Variants in EXT1 observed in about 807,000 individuals in gnomAD.
The protein encoded by EXT1 is exostosin-1.
In EXT1, 20 loss-of-function variants were observed where a neutral mutation model predicts 82.5. That is an observed-to-expected ratio of 0.24 (90% CI 0.17 to 0.35). The LOEUF is 0.35. Ranked by LOEUF, EXT1 falls within the 10% of genes least tolerant of loss-of-function variation. EXT1 has a pLI of 1.00. For synonymous variants in EXT1, 348 were observed against 350.8 expected (o/e 0.99, Z 0.09); for missense variants, 757 against 936.5 (o/e 0.81, Z 2.50).
At chr8:117,841,534 T>C (rs969209800) in intron 1 of EXT1, among the ~76,000 whole-genome samples, 1 of 152,114 alleles carries the variant, frequency 6.6e-6, no homozygotes, top group Non-Finnish European at 1.5e-5. Context: ...AAGAAACATA[T>C]GATATCCTAA....
At chr8:117,863,560 T>A (rs1182706303) in intron 1 of EXT1, among the ~76,000 whole-genome samples, 1 of 152,148 alleles carries the variant, frequency 6.6e-6, no homozygotes, top group Non-Finnish European at 1.5e-5. Flanking sequence ...TATGTCCTGA[T>A]AATCAAGCAC....
At chr8:117,807,425 T>C in intron 8 of EXT1, 48 bp from the exon 9 acceptor site, 1 of 1,610,222 alleles carries the variant, frequency 6.2e-7, no homozygotes, top group Non-Finnish European at 8.5e-7. Context: ...TGTTAACAAA[T>C]GTCAACAAAA....
intron 1 of EXT1, among the ~76,000 whole-genome samples, chr8:118,015,803 G>A (rs967092400): frequency 3.3e-5 from 5 of 152,244 alleles, no homozygotes; most frequent in African/African-American, 9.6e-5. Flanking sequence ...GAGTGGGGAG[G>A]GCCCTTAATC....
intron 1 of EXT1, among the ~76,000 whole-genome samples, chr8:118,058,544 A>C (rs1816831221): frequency 6.6e-6 from 1 of 152,168 alleles, no homozygotes; most frequent in African/African-American, 2.4e-5. Context: ...GACATCTAAG[A>C]CTGTTTGGAG....
chr8:117,871,457 G>T (rs918735925), intron 1 of EXT1, among the ~76,000 whole-genome samples: 12 of 152,180 alleles, frequency 7.9e-5, no homozygotes, highest in African/African-American at 2.2e-4. Flanking sequence ...GTCCCCTAGA[G>T]ATATCTAAAA....
chr8:117,855,969 C>T lies in EXT1; in HGVS notation c.963-18768G>A, dbSNP rs556300502. Among the ~76,000 whole-genome samples the T allele has an allele frequency of 1.2e-4, 19 of 152,164 alleles. No individual in the cohort carries two copies. The South Asian group carries it at 3.5e-3, about 28-fold the overall frequency. ...ACAGGCGTAAGCCACCATGCCCGGC[C>T]GCATCTCTCTTTAAATCCAAGGCTA... On this transcript the variant is annotated intron_variant, in intron 1 of 10. Coordinates refer to ENST00000378204, the MANE Select transcript of EXT1 (RefSeq NM_000127.3).
chr8:118,091,117 C>T (rs1053454664), intron 1 of EXT1, among the ~76,000 whole-genome samples: 2 of 152,180 alleles, frequency 1.3e-5, no homozygotes, highest in African/African-American at 2.4e-5. Flanking sequence ...TATCTCTCAG[C>T]CTGCTCCCCA....
chr8:117,957,923 T>A (rs1814621453), intron 1 of EXT1, among the ~76,000 whole-genome samples: 1 of 152,204 alleles, frequency 6.6e-6, no homozygotes, highest in African/African-American at 2.4e-5. Context: ...ACACTTGAGA[T>A]AAAGTTATCA....
At chr8:118,098,891 A>C (rs1358168266) in intron 1 of EXT1, among the ~76,000 whole-genome samples, 1 of 152,244 alleles carries the variant, frequency 6.6e-6, no homozygotes, top group Non-Finnish European at 1.5e-5. Flanking sequence ...CAAGTAGCAG[A>C]AATCAAATGC....
intron 1 of EXT1, among the ~76,000 whole-genome samples, chr8:117,847,578 G>C (rs1812383002): frequency 6.6e-6 from 1 of 152,142 alleles, no homozygotes; most frequent in Admixed American, 6.5e-5. Context: ...CTGAACTGAA[G>C]AATAAAAAGC....
At chr8:118,104,396 T>C (rs1431309743) in intron 1 of EXT1, among the ~76,000 whole-genome samples, 10 of 152,222 alleles carry the variant, frequency 6.6e-5, no homozygotes, top group Admixed American at 6.5e-4. Flanking sequence ...ACATGTTCCA[T>C]GCAGGGGGCT....
intron 1 of EXT1, among the ~76,000 whole-genome samples, chr8:117,945,440 G>A (rs978331253): frequency 2.0e-5 from 3 of 152,130 alleles, no homozygotes; most frequent in African/African-American, 7.2e-5. Flanking sequence ...TGGGCAAAGG[G>A]GGGCAAGTTT....
At chr8:118,012,058 C>G (rs556877294) in intron 1 of EXT1, among the ~76,000 whole-genome samples, 1 of 152,340 alleles carries the variant, frequency 6.6e-6, no homozygotes, top group East Asian at 1.9e-4. Flanking sequence ...TGCTCCCTTT[C>G]TTCACACAGC....
chr8:117,891,059 G>C (rs1813233445), intron 1 of EXT1, among the ~76,000 whole-genome samples: 1 of 152,148 alleles, frequency 6.6e-6, no homozygotes, highest in Non-Finnish European at 1.5e-5. Flanking sequence ...GGGGATTTAT[G>C]GTGACTTATT....
At chr8:118,039,547 G>C (rs1816488138) in intron 1 of EXT1, among the ~76,000 whole-genome samples, 1 of 111,058 alleles carries the variant, frequency 9.0e-6, no homozygotes, top group Non-Finnish European at 1.7e-5. Flanking sequence ...ACAAGAGAGA[G>C]ACTCCGTCAC....
intron 8 of EXT1, among the ~76,000 whole-genome samples, chr8:117,809,776 T>G (rs1823293779): frequency 6.6e-6 from 1 of 152,074 alleles, no homozygotes; most frequent in Non-Finnish European, 1.5e-5. Context: ...GAAATTAGGT[T>G]GTGATTACCT....
At chr8:117,891,303 G>A (rs560098542) in intron 1 of EXT1, among the ~76,000 whole-genome samples, 1 of 152,294 alleles carries the variant, frequency 6.6e-6, no homozygotes, top group Non-Finnish European at 1.5e-5. Flanking sequence ...TAAACATTTT[G>A]ATTACAACTT....
intron 1 of EXT1, among the ~76,000 whole-genome samples, chr8:117,858,567 A>G (rs1812607894): frequency 6.6e-6 from 1 of 151,852 alleles, no homozygotes; most frequent in South Asian, 2.1e-4. Flanking sequence ...AGTTCCAGCT[A>G]CCTTGGAGGC....
At chr8:118,055,309 C>T (rs755849518) in intron 1 of EXT1, among the ~76,000 whole-genome samples, 3 of 152,174 alleles carry the variant, frequency 2.0e-5, no homozygotes, top group Non-Finnish European at 4.4e-5. Flanking sequence ...CAGCATGTAT[C>T]AATAGTTTGT....
Sources: allele counts gnomAD v4.1 joint callset (sites outside exome capture counted in the v4.1 genomes callset), GRCh38; gene constraint gnomAD v4.1.1; transcripts MANE v1.5; gene names NCBI Gene and HGNC (gene_info 2026-07-23, HGNC 2026-07-21).